CPNE8: variants seen among roughly 807,000 people sequenced by gnomAD.
The protein encoded by CPNE8 is copine-8.
In CPNE8, 45 loss-of-function variants were observed where a neutral mutation model predicts 81.5. That is an observed-to-expected ratio of 0.55 (90% CI 0.44 to 0.71). The LOEUF (loss-of-function observed/expected upper bound fraction) is 0.71, where lower values mean the gene tolerates loss of function less well. CPNE8 is among the 30% of genes least tolerant of loss of function. The probability of loss-of-function intolerance (pLI) is 0.00; values close to 1 mark genes in which losing one functional copy is unlikely to be tolerated. For synonymous variants in CPNE8, 252 were observed against 226.3 expected (o/e 1.11, Z -1.02); for missense variants, 594 against 672.1 (o/e 0.88, Z 1.28).
intron 14 of CPNE8, among the ~76,000 whole-genome samples, chr12:38,701,452 C>T (rs1592020521): frequency 1.3e-5 from 2 of 151,902 alleles, no homozygotes. Context: ...TATTTTAAAG[C>T]AGTTGGATTT....
chr12:38,690,524 G>A (rs1020060987), intron 15 of CPNE8, among the ~76,000 whole-genome samples: 1 of 152,072 alleles, frequency 6.6e-6, no homozygotes, highest in East Asian at 1.9e-4. Context: ...ATTTAAAGGG[G>A]TATGATCTCT....
intron 4 of CPNE8, among the ~76,000 whole-genome samples, chr12:38,848,226 T>G (rs77295551): frequency 0.015 from 2,360 of 152,258 alleles, 72 homozygotes; most frequent in African/African-American, 0.053. Flanking sequence ...GAGCCAAACT[T>G]AAGATCTGAG....
intron 3 of CPNE8, among the ~76,000 whole-genome samples, chr12:38,868,925 A>G (rs1473547662): frequency 4.6e-5 from 7 of 152,120 alleles, no homozygotes; most frequent in African/African-American, 9.7e-5. Flanking sequence ...TGGCTTTCCA[A>G]TGGTTTGAAA....
intron 10 of CPNE8, among the ~76,000 whole-genome samples, chr12:38,750,393 G>T (rs1941331259): frequency 6.6e-6 from 1 of 152,134 alleles, no homozygotes; most frequent in South Asian, 2.1e-4. Context: ...TAGATCTGCT[G>T]AGAGCTTGCA....
intron 15 of CPNE8, among the ~76,000 whole-genome samples, chr12:38,688,178 G>C (rs1939577517): frequency 6.6e-6 from 1 of 152,080 alleles, no homozygotes; most frequent in African/African-American, 2.4e-5. Flanking sequence ...TGATGAAACT[G>C]TATGTTATCA....
At chr12:38,850,699 C>T (rs73084068) in intron 3 of CPNE8, among the ~76,000 whole-genome samples, 21,192 of 152,052 alleles carry the variant, frequency 0.14, 2,398 homozygotes, top group African/African-American at 0.31. Context: ...ACACAGCTGT[C>T]CACTCATTCT....
Position 38,848,616 on chromosome 12 carries a change from A to G in CPNE8, c.233T>C (p.Val78Ala). The G allele has an allele frequency of 6.3e-7, 1 of 1,595,950 alleles. No homozygotes were observed. Among genetic ancestry groups the G allele is most frequent in the Non-Finnish European group, 8.5e-7 (1 of 1,175,092 alleles). The stretch of plus-strand genomic sequence containing the variant: ...AAAGTAGTCCAGAATAAACTTTCTT[A>G]CAAAATCAGGATTTAAAGTATTATC... ...VIDNTLNPDF[V>A]RKFILDYFFE... Residue 78 changes from valine to alanine, a missense_variant, in exon 4 of 20, where the codon GTA (valine) becomes GCA (alanine). Transcript: ENST00000331366.
At chr12:38,705,559 CTAAG>C (rs1294864519) in intron 13 of CPNE8, among the ~76,000 whole-genome samples, 3 of 152,080 alleles carry the variant, frequency 2.0e-5, no homozygotes, top group Non-Finnish European at 2.9e-5. Context: ...CAGCATGAAC[CTAAG>C]TGAGTACAAA....
At chr12:38,870,222 C>T (rs957800457) in intron 3 of CPNE8, among the ~76,000 whole-genome samples, 4 of 152,220 alleles carry the variant, frequency 2.6e-5, no homozygotes, top group African/African-American at 9.6e-5. Flanking sequence ...TTGTGGAAGA[C>T]AGTGTGGTGA....
chr12:38,654,638 T>C (rs1350425693), intron 19 of CPNE8, among the ~76,000 whole-genome samples: 1 of 152,090 alleles, frequency 6.6e-6, no homozygotes, highest in Admixed American at 6.6e-5. Context: ...CAATAACTCA[T>C]GTCACTTAAT....
chr12:38,891,608 G>A (rs749635221), intron 1 of CPNE8, among the ~76,000 whole-genome samples: 7 of 151,786 alleles, frequency 4.6e-5, no homozygotes, highest in East Asian at 1.9e-4. Context: ...CCACCATGCC[G>A]GGCTAATTTT....
intron 6 of CPNE8, among the ~76,000 whole-genome samples, chr12:38,826,379 G>A (rs907406248): frequency 1.3e-5 from 2 of 152,062 alleles, no homozygotes; most frequent in Non-Finnish European, 2.9e-5. Flanking sequence ...CACAGCATGT[G>A]GTTACTGTAG....
chr12:38,706,362 AGGTTTT>A (rs1259044785), intron 13 of CPNE8, among the ~76,000 whole-genome samples: 1 of 152,132 alleles, frequency 6.6e-6, no homozygotes, highest in Non-Finnish European at 1.5e-5. Context: ...TGTGTTCTAC[AGGTTTT>A]GATAAAGGAA....
At chr12:38,679,727 C>G (rs2136652960) in intron 16 of CPNE8, 1 of 981,808 alleles carries the variant, frequency 1.0e-6, no homozygotes, top group South Asian at 4.7e-5. Context: ...AAATTTCAAA[C>G]AAAATCAATG....
intron 10 of CPNE8, among the ~76,000 whole-genome samples, chr12:38,744,210 A>C (rs546174594): frequency 6.6e-6 from 1 of 152,324 alleles, no homozygotes; most frequent in African/African-American, 2.4e-5. Context: ...AGCATGAACT[A>C]AACCTTACAT....
At chr12:38,736,286 A>G (rs1383763660) in intron 10 of CPNE8, among the ~76,000 whole-genome samples, 2 of 149,210 alleles carry the variant, frequency 1.3e-5, no homozygotes, top group Admixed American at 1.4e-4. Context: ...TTAATATTTC[A>G]TCTATTATGA....
Position 38,832,947 on chromosome 12 carries a change from G to A in CPNE8, c.331-3492C>T, listed in dbSNP as rs118034520. Among the ~76,000 whole-genome samples, 223 of 151,876 alleles carry A rather than the reference G, an allele frequency of 1.5e-3. 2 individuals are homozygous for A. The highest frequency in any genetic ancestry group is 1.4e-3 in the Non-Finnish European group (94 of 67,944). ...AACCAAAATGCTAAATCCAACCTCC[G>A]AGAGATAATACAAAGTTCTAAATTT... On this transcript the variant is annotated intron_variant, in intron 5 of 19. Transcript: ENST00000331366.
At chr12:38,756,622 C>A (rs1485255253) in intron 10 of CPNE8, among the ~76,000 whole-genome samples, 1 of 152,092 alleles carries the variant, frequency 6.6e-6, no homozygotes, top group African/African-American at 2.4e-5. Context: ...GAGCACATTG[C>A]CTTATTGGTT....
At chr12:38,658,738 C>A (rs1206187690) in intron 19 of CPNE8, among the ~76,000 whole-genome samples, 3 of 152,116 alleles carry the variant, frequency 2.0e-5, no homozygotes, top group African/African-American at 7.2e-5. Context: ...GAGTGGGGAC[C>A]AATATTCAAC....
Sources: gnomAD v4.1 joint callset for allele counts (sites outside exome capture counted in the v4.1 genomes callset) on GRCh38, gnomAD v4.1.1 for gene constraint, MANE v1.5 for transcripts, NCBI Gene and HGNC (gene_info 2026-07-23, HGNC 2026-07-21) for gene names.